SLC26A7: variants seen among roughly 807,000 people sequenced by gnomAD.
SLC26A7 encodes solute carrier family 26 member 7.
Under a neutral mutation model 82.5 loss-of-function variants are expected in SLC26A7, and 59 were observed. That is an observed-to-expected ratio of 0.72 (90% CI 0.58 to 0.89). SLC26A7 has a LOEUF of 0.89. Among genes scored for constraint, SLC26A7 ranks in the 40% least tolerant of loss-of-function variants. The pLI is 0.00. For missense variants in SLC26A7, 820 were observed against 793.0 expected (o/e 1.03, Z -0.41); for synonymous variants, 271 against 274.3 (o/e 0.99, Z 0.12).
chr8:91,388,315 C>T (rs1019032984), intron 15 of SLC26A7, among the ~76,000 whole-genome samples: 18 of 151,660 alleles, frequency 1.2e-4, no homozygotes, highest in Non-Finnish European at 2.1e-4. Context: ...GGCGGGATCT[C>T]GGCTCACTGC....
At chr8:91,265,977 G>T (rs1372580714) in intron 2 of SLC26A7, among the ~76,000 whole-genome samples, 1 of 151,938 alleles carries the variant, frequency 6.6e-6, no homozygotes, top group Non-Finnish European at 1.5e-5. Flanking sequence ...TTTGTTGCCT[G>T]TGCTTTTGAG....
chr8:91,311,666 C>T (rs190081604), intron 4 of SLC26A7, among the ~76,000 whole-genome samples: 12 of 152,180 alleles, frequency 7.9e-5, no homozygotes, highest in East Asian at 1.9e-4. Flanking sequence ...ACATGCCCAG[C>T]GGAAACGAAC....
At position 91,331,447 on chromosome 8, in the gene SLC26A7, G is replaced by C. The variant is rs551356965; in HGVS notation, c.643-2848G>C. Among the ~76,000 whole-genome samples, 4 of 152,118 alleles carry C rather than the reference G, an allele frequency of 2.6e-5. No individual in the cohort carries two copies. The East Asian group carries it at 7.7e-4, about 29-fold the overall frequency. ...TTAAATGGATTCCATTTTCAATGCT[G>C]TTTTAAACAATGTTTCAGTGAATAT... On this transcript the variant is annotated intron_variant, in intron 5 of 18. Transcript: ENST00000276609.
At chr8:91,219,056 A>G (rs1218339439) in intron 2 of SLC26A7, 6 of 908,806 alleles carry the variant, frequency 6.6e-6, no homozygotes, top group Admixed American at 2.4e-5. Flanking sequence ...AGCTCTGCAT[A>G]CACAGATTAT....
chr8:91,372,639 A>T (rs577021670), intron 15 of SLC26A7, among the ~76,000 whole-genome samples: 116 of 151,812 alleles, frequency 7.6e-4, no homozygotes, highest in African/African-American at 2.4e-3. Context: ...TATAGCCTTG[A>T]AGTATAGTTT....
chr8:91,238,244 A>C (rs745380157), intron 2 of SLC26A7, among the ~76,000 whole-genome samples: 4 of 152,118 alleles, frequency 2.6e-5, no homozygotes, highest in Non-Finnish European at 5.9e-5. Flanking sequence ...TCTGATGATC[A>C]TCCTGGGGCT....
chr8:91,270,570 C>T (rs1286535690), intron 2 of SLC26A7, among the ~76,000 whole-genome samples: 1 of 152,126 alleles, frequency 6.6e-6, no homozygotes, highest in Non-Finnish European at 1.5e-5. Flanking sequence ...TTTCAGGCCT[C>T]AGGTGGTTAT....
intron 2 of SLC26A7, among the ~76,000 whole-genome samples, chr8:91,228,364 A>G (rs1262391889): frequency 1.3e-5 from 2 of 152,246 alleles, no homozygotes; most frequent in Non-Finnish European, 2.9e-5. Context: ...CAAAGGATAT[A>G]TAATCATAGA....
intron 11 of SLC26A7, among the ~76,000 whole-genome samples, chr8:91,353,470 G>A (rs1252689059): frequency 1.3e-5 from 2 of 152,096 alleles, no homozygotes; most frequent in Admixed American, 1.3e-4. Flanking sequence ...TTTTAAATGG[G>A]TTACATTAAG....
At chr8:91,288,383 C>T (rs1418721242) in intron 2 of SLC26A7, among the ~76,000 whole-genome samples, 3 of 152,090 alleles carry the variant, frequency 2.0e-5, no homozygotes, top group South Asian at 2.1e-4. Context: ...ATTTTGGTCA[C>T]GTTGAAACCA....
At chr8:91,378,412 TATAA>T (rs1264656018) in intron 15 of SLC26A7, among the ~76,000 whole-genome samples, 2 of 147,168 alleles carry the variant, frequency 1.4e-5, no homozygotes, top group Admixed American at 1.4e-4. Flanking sequence ...ATAAAGTATA[TATAA>T]ATAATATATA....
intron 13 of SLC26A7, among the ~76,000 whole-genome samples, chr8:91,364,792 A>G (rs1324785516): frequency 6.6e-6 from 1 of 152,184 alleles, no homozygotes; most frequent in African/African-American, 2.4e-5. Context: ...GGAAGATGAA[A>G]ATGCTAGAAA....
Position 91,275,785 on chromosome 8 carries a change from A to C in SLC26A7, c.194-13351A>C, listed in dbSNP as rs1389504642. Reference sequence around the variant, plus strand: ...AAGCCACTTCCTCCTCTAAGGGTAAATTGTGTGAGAAGGGAGTGCTGGCCT... The same window carrying C: ...AAGCCACTTCCTCCTCTAAGGGTAACTTGTGTGAGAAGGGAGTGCTGGCCT... On this transcript the variant is annotated intron_variant, in intron 2 of 18. Transcript: ENST00000276609. Among the ~76,000 whole-genome samples the C allele has an allele frequency of 7.2e-5, 11 of 152,198 alleles. No individual in the cohort carries two copies. In the East Asian group the frequency reaches 2.1e-3, roughly 29 times the overall value.
chr8:91,339,664 A>ATTT (rs1813346642), intron 7 of SLC26A7, among the ~76,000 whole-genome samples: 1 of 147,174 alleles, frequency 6.8e-6, no homozygotes, highest in African/African-American at 2.6e-5. Flanking sequence ...TTATTTATTT[A>ATTT]ATTTATTTTT....
intron 2 of SLC26A7, among the ~76,000 whole-genome samples, chr8:91,238,558 T>C (rs1283378329): frequency 6.7e-6 from 1 of 149,054 alleles, no homozygotes; most frequent in African/African-American, 2.5e-5. Flanking sequence ...TATATACATA[T>C]ATATATACAC....
At chr8:91,375,001 CT>C (rs200196914) in intron 15 of SLC26A7, among the ~76,000 whole-genome samples, 35 of 150,506 alleles carry the variant, frequency 2.3e-4, no homozygotes, top group South Asian at 8.4e-4. Flanking sequence ...GTCTTTCTTT[CT>C]TTTTTTTTGC....
intron 11 of SLC26A7, among the ~76,000 whole-genome samples, chr8:91,355,576 T>A (rs992792587): frequency 1.9e-4 from 29 of 152,056 alleles, no homozygotes; most frequent in African/African-American, 7.0e-4. Flanking sequence ...TTTTCTTTCC[T>A]GAATTATTCT....
At chr8:91,255,167 A>G (rs974103472) in intron 2 of SLC26A7, among the ~76,000 whole-genome samples, 3 of 152,156 alleles carry the variant, frequency 2.0e-5, no homozygotes, top group African/African-American at 7.2e-5. Flanking sequence ...TGCATTTCCA[A>G]GGGCTCACCT....
chr8:91,341,828 G>T (rs1408415913), intron 8 of SLC26A7, among the ~76,000 whole-genome samples: 1 of 152,140 alleles, frequency 6.6e-6, no homozygotes, highest in Admixed American at 6.6e-5. Context: ...GAACCCATTA[G>T]TCATGCTTCT....
Sources: allele counts gnomAD v4.1 joint callset (sites outside exome capture counted in the v4.1 genomes callset), GRCh38; gene constraint gnomAD v4.1.1; transcripts MANE v1.5; gene names NCBI Gene and HGNC (gene_info 2026-07-23, HGNC 2026-07-21).